Variants in GRAMD1B observed in about 807,000 individuals in gnomAD.
The protein encoded by GRAMD1B is protein Aster-B.
In GRAMD1B, 37 loss-of-function variants were observed where a neutral mutation model predicts 99.7. That is an observed-to-expected ratio of 0.37 (90% CI 0.29 to 0.49). The LOEUF (loss-of-function observed/expected upper bound fraction) is 0.49. Ranked by LOEUF, GRAMD1B falls within the 20% of genes least tolerant of loss-of-function variation. GRAMD1B has a pLI of 0.98. For missense variants in GRAMD1B, 888 were observed against 1,009.2 expected (o/e 0.88, Z 1.63); for synonymous variants, 427 against 387.6 (o/e 1.10, Z -1.19).
At chr11:123,390,120 A>G (rs1422559625) in intron 1 of GRAMD1B, among the ~76,000 whole-genome samples, 1 of 143,306 alleles carries the variant, frequency 7.0e-6, no homozygotes, top group East Asian at 2.0e-4. Context: ...CAAATAGCTA[A>G]TGTTCACATC....
intron 3 of GRAMD1B, among the ~76,000 whole-genome samples, chr11:123,583,704 G>T (rs1949721593): frequency 6.6e-6 from 1 of 152,040 alleles, no homozygotes; most frequent in Non-Finnish European, 1.5e-5. Flanking sequence ...GGCACCACTG[G>T]GTTGGAATGG....
intron 2 of GRAMD1B, among the ~76,000 whole-genome samples, chr11:123,508,289 G>A (rs1940633972): frequency 6.6e-6 from 1 of 152,106 alleles, no homozygotes; most frequent in Admixed American, 6.6e-5. Flanking sequence ...AAAATCGGTT[G>A]ATCTCATCCT....
chr11:123,556,243 T>C (rs2135936576), intron 2 of GRAMD1B, among the ~76,000 whole-genome samples: 1 of 152,358 alleles, frequency 6.6e-6, no homozygotes, highest in East Asian at 1.9e-4. Flanking sequence ...TCATTCTCCA[T>C]GATTCAACAA....
At chr11:123,465,018 C>T (rs1950598623) in intron 1 of GRAMD1B, among the ~76,000 whole-genome samples, 1 of 151,990 alleles carries the variant, frequency 6.6e-6, no homozygotes, top group African/African-American at 2.4e-5. Context: ...TTGGTGACAT[C>T]CTGTAAACAG....
At chr11:123,364,512 C>T (rs1209147539) in intron 1 of GRAMD1B, among the ~76,000 whole-genome samples, 2 of 152,230 alleles carry the variant, frequency 1.3e-5, no homozygotes, top group African/African-American at 2.4e-5. Context: ...TGTGCATTTT[C>T]TCTCACCATT....
Position 123,448,753 on chromosome 11 carries a change from G to A in GRAMD1B, c.374+17587G>A, listed in dbSNP as rs144069163. ...CCCTCCATTCTGTTACTTACATTGG[G>A]GCTTGGTACTTTTTGTTTTCACGAG... On this transcript the variant is annotated intron_variant, in intron 1 of 19. Transcript: ENST00000635736. 1.3e-4 allele frequency among the ~76,000 whole-genome samples: 20 copies of A among 152,178 alleles called. No homozygotes were observed. The East Asian group carries it at 3.7e-3, about 28-fold the overall frequency.
chr11:123,606,954 C>T (rs984043277), intron 11 of GRAMD1B, among the ~76,000 whole-genome samples, 156 bp downstream of exon 11: 11 of 152,114 alleles, frequency 7.2e-5, no homozygotes, highest in African/African-American at 2.7e-4. Flanking sequence ...AGTTTACATC[C>T]CTGTTTTCAG....
intron 18 of GRAMD1B, 115 bp downstream of exon 18, chr11:123,618,915 C>A (rs753970321): frequency 9.6e-6 from 7 of 726,176 alleles, no homozygotes; most frequent in Non-Finnish European, 1.7e-5. Context: ...CTGGGATGAG[C>A]CCACAGGGAA....
At chr11:123,478,674 A>G (rs560965412) in intron 1 of GRAMD1B, among the ~76,000 whole-genome samples, 35 of 152,172 alleles carry the variant, frequency 2.3e-4, no homozygotes, top group African/African-American at 8.2e-4. Flanking sequence ...AGCCCCCTTT[A>G]TTAGTTTAAA....
intron 3 of GRAMD1B, chr11:123,578,479 C>T (rs999429918): frequency 7.5e-7 from 1 of 1,338,100 alleles, no homozygotes; most frequent in African/African-American, 1.4e-5. Flanking sequence ...TAGTGTCGAT[C>T]TGTCTGTAGT....
chr11:123,387,065 G>C lies in GRAMD1B; in HGVS notation c.-176+28266G>C, dbSNP rs530652331. Among the ~76,000 whole-genome samples the C allele has an allele frequency of 8.5e-5, 13 of 152,284 alleles. No homozygotes were observed. In the East Asian group the frequency reaches 2.5e-3, roughly 29 times the overall value. On this transcript the variant is annotated intron_variant, in intron 1 of 20. Transcript: ENST00000638157. Reference sequence around the variant, plus strand: ...CTGCAGCTGTTTAAGTGCTTAGAGGGTCTTTTGGCAGAGACGTTTTGTAGT... The same window carrying C: ...CTGCAGCTGTTTAAGTGCTTAGAGGCTCTTTTGGCAGAGACGTTTTGTAGT...
intron 2 of GRAMD1B, among the ~76,000 whole-genome samples, chr11:123,573,357 C>G (rs552924594): frequency 5.3e-4 from 80 of 152,276 alleles, no homozygotes; most frequent in African/African-American, 1.9e-3. Flanking sequence ...AATGCCAAAT[C>G]CTCTTTTTAG....
chr11:123,559,232 G>C (rs1463397767), intron 2 of GRAMD1B, among the ~76,000 whole-genome samples: 1 of 152,198 alleles, frequency 6.6e-6, no homozygotes, highest in Admixed American at 6.5e-5. Context: ...AGTTTCCCAG[G>C]CATTGAGCTA....
At chr11:123,619,062 G>T in intron 18 of GRAMD1B, 45 bp from the exon 19 acceptor site, 1 of 1,106,636 alleles carries the variant, frequency 9.0e-7, no homozygotes, top group South Asian at 1.4e-5. Flanking sequence ...ACAGTTCGCT[G>T]AGCATAACTC....
At chr11:123,429,319 C>G (rs980316032), upstream of GRAMD1B, among the ~76,000 whole-genome samples, 4 of 152,134 alleles carry the variant, frequency 2.6e-5, no homozygotes, top group African/African-American at 9.7e-5. This position sits in a 1 kb window ranked among gnomAD's most constrained non-coding sequence, Gnocchi z 4.0. Context: ...TCAGTGCCCA[C>G]AGAGAGCACC....
At chr11:123,528,639 C>T (rs1284231083) in intron 2 of GRAMD1B, among the ~76,000 whole-genome samples, 1 of 152,108 alleles carries the variant, frequency 6.6e-6, no homozygotes, top group Non-Finnish European at 1.5e-5. Flanking sequence ...CCTGGTTACT[C>T]CTCTTCTCTA....
intron 1 of GRAMD1B, among the ~76,000 whole-genome samples, chr11:123,405,679 A>T (rs544157): frequency 5.9e-5 from 9 of 152,302 alleles, no homozygotes; most frequent in African/African-American, 1.9e-4. Flanking sequence ...CAGGTCCCCA[A>T]AAGCTGATCA....
chr11:123,387,157 T>C (rs1332204208), intron 1 of GRAMD1B, among the ~76,000 whole-genome samples: 1 of 152,150 alleles, frequency 6.6e-6, no homozygotes, highest in Non-Finnish European at 1.5e-5. Context: ...TCTCTGAGCC[T>C]CCCAGGTCAG....
At chr11:123,577,598 G>A (rs776007839) in intron 3 of GRAMD1B, 21 bp downstream of exon 3, 1 of 1,546,484 alleles carries the variant, frequency 6.5e-7, no homozygotes, top group Non-Finnish European at 8.8e-7. Flanking sequence ...CCCCGTTGAG[G>A]CGGTACCTCC....
Sources: gnomAD v4.1 joint callset for allele counts (sites outside exome capture counted in the v4.1 genomes callset) on GRCh38, gnomAD v4.1.1 for gene constraint, Gnocchi (gnomAD v3.1) non-coding constraint, MANE v1.5 for transcripts, NCBI Gene and HGNC (gene_info 2026-07-23, HGNC 2026-07-21) for gene names.